TRIQK: variants seen among roughly 807,000 people sequenced by gnomAD.
TRIQK encodes triple QxxK/R motif containing, also known as triple QxxK/R motif-containing protein.
A neutral mutation model predicts 10.8 loss-of-function variants in TRIQK; 10 were observed. That is an observed-to-expected ratio of 0.92 (90% CI 0.57 to 1.57). The LOEUF (loss-of-function observed/expected upper bound fraction) is 1.57, where lower values mean the gene tolerates loss of function less well. Ranked by LOEUF, TRIQK falls within the 40% of genes most tolerant of loss-of-function variation. The pLI is 0.00. For missense variants in TRIQK, 107 were observed against 97.7 expected, an observed-to-expected ratio of 1.09 and a Z score of -0.40; for synonymous variants, 33 against 33.7, an observed-to-expected ratio of 0.98 and a Z score of 0.07.
intron 1 of TRIQK, among the ~76,000 whole-genome samples, chr8:92,978,950 A>C (rs1812958317): frequency 6.6e-6 from 1 of 152,138 alleles, no homozygotes. Context: ...TGATCCAATG[A>C]ACACTTATTG....
chr8:92,942,332 A>G (rs1331845299), intron 2 of TRIQK, among the ~76,000 whole-genome samples: 1 of 152,208 alleles, frequency 6.6e-6, no homozygotes. Context: ...AAAACATTTG[A>G]CAAAATTCAA....
intron 3 of TRIQK, among the ~76,000 whole-genome samples, chr8:92,905,200 T>C (rs1438888774): frequency 6.6e-6 from 1 of 151,756 alleles, no homozygotes; most frequent in African/African-American, 2.4e-5. Context: ...ATCAGGAGAC[T>C]AGAAGAAAAA....
rs116927245 is a variant in TRIQK at position 92,894,169 on chromosome 8, T to C, written c.62-2095A>G. 2.1e-3 allele frequency among the ~76,000 whole-genome samples: 327 copies of C among 152,250 alleles called. 3 individuals carry two copies. In the East Asian group the frequency reaches 0.036, roughly 17 times the overall value. The stretch of plus-strand genomic sequence containing the variant: ...GTATTAAAAGTTATTGTATACCTGG[T>C]ACTTTTCCAAGCAGTGCATCTGTCA... On this transcript the variant is annotated intron_variant, in intron 3 of 4. Transcript: ENST00000521988.
At chr8:92,943,114 C>T (rs1208110194) in intron 2 of TRIQK, among the ~76,000 whole-genome samples, 1 of 149,804 alleles carries the variant, frequency 6.7e-6, no homozygotes, top group Non-Finnish European at 1.5e-5. Flanking sequence ...TAAATTTAAC[C>T]AAGGAGGTGA....
At chr8:92,927,324 T>C (rs1810494239) in intron 2 of TRIQK, among the ~76,000 whole-genome samples, 1 of 152,008 alleles carries the variant, frequency 6.6e-6, no homozygotes, top group Non-Finnish European at 1.5e-5. Flanking sequence ...TTCTACGGTA[T>C]CTAAAGGTAG....
chr8:92,965,003 C>G (rs1004616472), intron 1 of TRIQK: 2 of 152,082 alleles, frequency 1.3e-5, no homozygotes, highest in South Asian at 4.1e-4. Context: ...TTTTTTCTCT[C>G]TGGAATGTTT....
At chr8:92,942,347 C>A (rs766058351) in intron 2 of TRIQK, among the ~76,000 whole-genome samples, 4 of 151,992 alleles carry the variant, frequency 2.6e-5, no homozygotes, top group Non-Finnish European at 5.9e-5. Flanking sequence ...ATTCAACATC[C>A]CCTCATGATA....
intron 1 of TRIQK, among the ~76,000 whole-genome samples, chr8:92,984,740 A>G (rs1460906233): frequency 6.6e-6 from 1 of 152,148 alleles, no homozygotes; most frequent in Non-Finnish European, 1.5e-5. Context: ...GTTTTATGAA[A>G]GTCCAGGTTA....
intron 1 of TRIQK, among the ~76,000 whole-genome samples, chr8:93,006,713 A>G (rs1348973457): frequency 6.6e-6 from 1 of 152,168 alleles, no homozygotes; most frequent in Admixed American, 6.5e-5. Flanking sequence ...AATTCCCTAC[A>G]GCCCAGCACA....
At chr8:93,013,711 G>C (rs2130764878) in intron 1 of TRIQK, among the ~76,000 whole-genome samples, 1 of 152,104 alleles carries the variant, frequency 6.6e-6, no homozygotes, top group African/African-American at 2.4e-5. Flanking sequence ...CATATCCTTT[G>C]GTAACATTAT....
At chr8:92,915,791 C>T (rs1809806747) in intron 3 of TRIQK, among the ~76,000 whole-genome samples, 1 of 152,012 alleles carries the variant, frequency 6.6e-6, no homozygotes, top group Non-Finnish European at 1.5e-5. Context: ...TAAGTCACCG[C>T]GCCCGGCCTG....
chr8:92,949,587 GGAAA>G (rs143998969), intron 2 of TRIQK, among the ~76,000 whole-genome samples: 5 of 140,876 alleles, frequency 3.5e-5, no homozygotes, highest in Admixed American at 7.4e-5. Context: ...AGAAAGAGAT[GGAAA>G]GAAAGAAAGA....
chr8:92,902,436 C>T (rs1337011573), intron 3 of TRIQK, among the ~76,000 whole-genome samples: 1 of 152,116 alleles, frequency 6.6e-6, no homozygotes, highest in Admixed American at 6.6e-5. Flanking sequence ...CTCTTAACAC[C>T]ACATGGCCAA....
At chr8:92,980,826 A>C (rs982851399) in intron 1 of TRIQK, among the ~76,000 whole-genome samples, 2 of 151,634 alleles carry the variant, frequency 1.3e-5, no homozygotes, top group Non-Finnish European at 2.9e-5. Context: ...GATTATTAAT[A>C]TATCTAAAAA....
intron 2 of TRIQK, among the ~76,000 whole-genome samples, chr8:92,944,304 CAAAAAA>C (rs56002665): frequency 1.5e-5 from 2 of 134,838 alleles, no homozygotes; most frequent in African/African-American, 5.5e-5. Flanking sequence ...GAAGGTTACT[CAAAAAA>C]AAAAAAAAAA....
chr8:92,915,490 T>C (rs545663219), intron 3 of TRIQK, among the ~76,000 whole-genome samples: 3 of 147,756 alleles, frequency 2.0e-5, no homozygotes. Context: ...TAAACATTCT[T>C]TTTTTTTTTT....
At chr8:92,999,694 T>G (rs1813188526) in intron 1 of TRIQK, among the ~76,000 whole-genome samples, 1 of 152,220 alleles carries the variant, frequency 6.6e-6, no homozygotes, top group African/African-American at 2.4e-5. Context: ...TAAAGTAATA[T>G]AAATAATTTA....
At chr8:92,967,770 C>T (rs1812812781), upstream of TRIQK, among the ~76,000 whole-genome samples, 1 of 139,844 alleles carries the variant, frequency 7.2e-6, no homozygotes, top group South Asian at 2.2e-4. Flanking sequence ...TGCAGTGAGC[C>T]GAGATTGCAT....
At chr8:92,916,541 AG>A (rs1809859318) in intron 3 of TRIQK, among the ~76,000 whole-genome samples, 1 of 152,094 alleles carries the variant, frequency 6.6e-6, no homozygotes, top group East Asian at 1.9e-4. Flanking sequence ...ATTTTACAGG[AG>A]AATTTTGAAG....
Sources: allele counts gnomAD v4.1 joint callset (sites outside exome capture counted in the v4.1 genomes callset), GRCh38; gene constraint gnomAD v4.1.1; transcripts MANE v1.5; gene names NCBI Gene and HGNC (gene_info 2026-07-23, HGNC 2026-07-21).